The following MAF variants were observed in gnomAD, a reference collection of about 807,000 sequenced individuals.
The protein encoded by MAF is transcription factor Maf.
In MAF, 10 loss-of-function variants were observed where a neutral mutation model predicts 22.0. The observed-to-expected ratio is 0.45, with a 90% CI of 0.28 to 0.77. The LOEUF (loss-of-function observed/expected upper bound fraction) is 0.77. Ranked by LOEUF, MAF falls within the 30% of genes least tolerant of loss-of-function variation. MAF has a pLI of 0.12. For synonymous variants in MAF, 337 were observed against 255.8 expected (o/e 1.32, Z -3.03); for missense variants, 544 against 548.4 (o/e 0.99, Z 0.08).
the MAF span, among the ~76,000 whole-genome samples, chr16:79,521,424 A>G: frequency 2.0e-5 from 3 of 152,344 alleles, no homozygotes; most frequent in South Asian, 6.2e-4. Flanking sequence ...AGGAAAGGGA[A>G]AAGTTCGCAC....
chr16:79,387,987 G>A, the MAF span, among the ~76,000 whole-genome samples: 1 of 152,104 alleles, frequency 6.6e-6, no homozygotes. Flanking sequence ...TTGTGAATGG[G>A]CAAAAACACA....
At chr16:79,245,577 G>A in the MAF span, among the ~76,000 whole-genome samples, 1 of 152,048 alleles carries the variant, frequency 6.6e-6, no homozygotes, top group Non-Finnish European at 1.5e-5. Flanking sequence ...GAGAGGATGT[G>A]GAGAAATAGG....
the MAF span, among the ~76,000 whole-genome samples, chr16:79,288,222 G>A: frequency 9.8e-5 from 15 of 152,300 alleles, no homozygotes; most frequent in African/African-American, 3.6e-4. Context: ...AAGAGGTGGG[G>A]TGTGTATCTC....
At chr16:79,380,058 G>C in the MAF span, among the ~76,000 whole-genome samples, 1 of 152,154 alleles carries the variant, frequency 6.6e-6, no homozygotes, top group Non-Finnish European at 1.5e-5. Flanking sequence ...AACAGGTTTG[G>C]CATGGAACCC....
chr16:79,210,288 C>T, the MAF span, among the ~76,000 whole-genome samples: 34 of 152,212 alleles, frequency 2.2e-4, no homozygotes, highest in African/African-American at 6.8e-4. Flanking sequence ...AGATTCTTCA[C>T]GTCGTAACAC....
At chr16:79,303,388 GGCA>G in the MAF span, among the ~76,000 whole-genome samples, 2 of 152,216 alleles carry the variant, frequency 1.3e-5, no homozygotes, top group African/African-American at 2.4e-5. Context: ...GGAAGTTAAA[GGCA>G]CTGCCTACTT....
the MAF span, among the ~76,000 whole-genome samples, chr16:79,557,913 G>A: frequency 1.3e-5 from 2 of 150,956 alleles, no homozygotes; most frequent in Non-Finnish European, 3.0e-5. Flanking sequence ...CTAAGAGAAG[G>A]ACTCCTGAGG....
At chr16:79,358,645 T>C in the MAF span, among the ~76,000 whole-genome samples, 1 of 152,212 alleles carries the variant, frequency 6.6e-6, no homozygotes, top group African/African-American at 2.4e-5. Flanking sequence ...AAAAAGATAA[T>C]GTAGGTGAGG....
downstream of MAF, among the ~76,000 whole-genome samples, chr16:79,592,508 C>T (rs187922885): frequency 2.6e-5 from 4 of 152,330 alleles, no homozygotes; most frequent in East Asian, 1.9e-4. Context: ...ACTCTTGCTC[C>T]GCTTTTAAGC....
the MAF span, among the ~76,000 whole-genome samples, chr16:79,528,383 T>G: frequency 6.6e-6 from 1 of 152,114 alleles, no homozygotes; most frequent in Non-Finnish European, 1.5e-5. Context: ...CCACCCACAC[T>G]ATCAACAGAC....
chr16:79,392,690 A>T, the MAF span, among the ~76,000 whole-genome samples: 37 of 152,192 alleles, frequency 2.4e-4, no homozygotes, highest in African/African-American at 8.4e-4. Flanking sequence ...AGAGGGTGAG[A>T]CTTAGAGCAC....
At chr16:79,304,568 CA>C in the MAF span, among the ~76,000 whole-genome samples, 31 of 151,910 alleles carry the variant, frequency 2.0e-4, no homozygotes, top group Admixed American at 5.9e-4. Context: ...AAGTTGGAGA[CA>C]AAAGGAACAA....
At chr16:79,250,742 G>A in the MAF span, among the ~76,000 whole-genome samples, 7 of 152,120 alleles carry the variant, frequency 4.6e-5, no homozygotes, top group African/African-American at 9.7e-5. Flanking sequence ...TAATAAATTC[G>A]TTTGAGAAAT....
the MAF span, among the ~76,000 whole-genome samples, chr16:79,228,148 C>T: frequency 6.6e-6 from 1 of 152,092 alleles, no homozygotes; most frequent in Non-Finnish European, 1.5e-5. Context: ...AGTGATCCTC[C>T]TGCTTCTGCC....
intron 1 of MAF, chr16:79,595,124 G>GAAA (rs377383083): frequency 6.5e-6 from 6 of 921,964 alleles, no homozygotes; most frequent in Non-Finnish European, 6.5e-6. Context: ...TTGTGATGAG[G>GAAA]AAAAAAAAAA....
the MAF span, among the ~76,000 whole-genome samples, chr16:79,280,963 GA>G: frequency 1.3e-5 from 2 of 152,166 alleles, no homozygotes; most frequent in African/African-American, 2.4e-5. Flanking sequence ...CCGACCCTGA[GA>G]AAGGAGTGTC....
chr16:79,231,479 G>A, the MAF span, among the ~76,000 whole-genome samples: 35 of 152,124 alleles, frequency 2.3e-4, no homozygotes, highest in East Asian at 3.9e-4. Flanking sequence ...CAGTGGTCTC[G>A]GCACCAAGAA....
chr16:79,258,885 G>A, the MAF span, among the ~76,000 whole-genome samples: 1 of 152,152 alleles, frequency 6.6e-6, no homozygotes, highest in Non-Finnish European at 1.5e-5. Context: ...GCCCACTGCT[G>A]TGCGACTAGG....
the MAF span, among the ~76,000 whole-genome samples, chr16:79,437,324 G>A: frequency 6.3e-3 from 962 of 152,194 alleles, 6 homozygotes; most frequent in Non-Finnish European, 9.2e-3. Context: ...ATAATCCCCC[G>A]TGTAAAACGG....
Sources: allele counts gnomAD v4.1 joint callset (sites outside exome capture counted in the v4.1 genomes callset), GRCh38; gene constraint gnomAD v4.1.1; transcripts MANE v1.5; gene names NCBI Gene and HGNC (gene_info 2026-07-23, HGNC 2026-07-21).